SAMD5: variants seen among roughly 807,000 people sequenced by gnomAD.
SAMD5 encodes the protein sterile alpha motif domain-containing protein 5.
Under a neutral mutation model 11.3 loss-of-function variants are expected in SAMD5, and 13 were observed. The ratio of observed to expected loss-of-function variants is 1.15; its 90% CI spans 0.75 to 1.83. The LOEUF (loss-of-function observed/expected upper bound fraction) is 1.83, where lower values mean the gene tolerates loss of function less well. Ranked by LOEUF, SAMD5 falls within the 40% of genes most tolerant of loss-of-function variation. The pLI is 0.00. For missense variants in SAMD5, 255 were observed against 239.1 expected (o/e 1.07, Z -0.44); for synonymous variants, 129 against 111.3 (o/e 1.16, Z -1.00).
the SAMD5 span, among the ~76,000 whole-genome samples, chr6:147,932,196 G>A: frequency 6.6e-6 from 1 of 152,120 alleles, no homozygotes; most frequent in Non-Finnish European, 1.5e-5. Context: ...ACAAACTGAA[G>A]TACAAAGGCA....
intron 1 of SAMD5, among the ~76,000 whole-genome samples, chr6:147,733,313 T>C (rs1791744463): frequency 6.6e-6 from 1 of 152,222 alleles, no homozygotes; most frequent in Admixed American, 6.5e-5. Context: ...GGATTTTACT[T>C]GGGTAGTGTA....
chr6:147,585,974 G>A (rs1309598523), intron 1 of SAMD5, among the ~76,000 whole-genome samples: 1 of 152,156 alleles, frequency 6.6e-6, no homozygotes, highest in Non-Finnish European at 1.5e-5. Flanking sequence ...GCAGTTCAGA[G>A]CAACATGGTC....
chr6:147,574,353 A>G (rs951069348), downstream of SAMD5, among the ~76,000 whole-genome samples: 5 of 152,186 alleles, frequency 3.3e-5, no homozygotes, highest in African/African-American at 1.2e-4. Context: ...ACAGCCAGTA[A>G]CCAAGAAAGT....
the SAMD5 span, among the ~76,000 whole-genome samples, chr6:147,749,916 G>A: frequency 0.017 from 2,560 of 152,122 alleles, 28 homozygotes; most frequent in Middle Eastern, 0.041. Context: ...AATAAAACCC[G>A]CTTATTTTCA....
chr6:147,525,933 A>G (rs115850469), intron 1 of SAMD5, among the ~76,000 whole-genome samples: 1,878 of 152,298 alleles, frequency 0.012, 45 homozygotes, highest in African/African-American at 0.042. Context: ...CTAATCTTCA[A>G]TTTCAACAAG....
the SAMD5 span, among the ~76,000 whole-genome samples, chr6:147,891,513 A>G: frequency 6.6e-6 from 1 of 152,102 alleles, no homozygotes; most frequent in Non-Finnish European, 1.5e-5. Context: ...CTCATTATTC[A>G]TTGGTAAAAT....
the SAMD5 span, among the ~76,000 whole-genome samples, chr6:147,789,315 A>ACACG: frequency 1.3e-5 from 2 of 148,474 alleles, no homozygotes; most frequent in African/African-American, 5.1e-5. Context: ...ACACACACAC[A>ACACG]CACAGTCAAA....
chr6:147,556,130 T>C (rs552175918), intron 1 of SAMD5, among the ~76,000 whole-genome samples: 1 of 152,244 alleles, frequency 6.6e-6, no homozygotes, highest in South Asian at 2.1e-4. Context: ...TCTTGCTCTG[T>C]CGCCCAGGCT....
chr6:147,646,227 C>G (rs1303212501), intron 1 of SAMD5, among the ~76,000 whole-genome samples: 1 of 152,118 alleles, frequency 6.6e-6, no homozygotes, highest in Non-Finnish European at 1.5e-5. Flanking sequence ...TTACTGATAA[C>G]ATGAGTAGTC....
At chr6:147,726,943 G>T (rs12200348) in intron 1 of SAMD5, among the ~76,000 whole-genome samples, 78,128 of 151,946 alleles carry the variant, frequency 0.51, 20,883 homozygotes, top group Middle Eastern at 0.63. Context: ...TAGCCTCTCA[G>T]TTGGCCTCCA....
the SAMD5 span, among the ~76,000 whole-genome samples, chr6:147,890,687 A>G: frequency 2.0e-5 from 3 of 152,138 alleles, no homozygotes. Context: ...AAAAAGATCA[A>G]TAAATTTCAT....
chr6:147,762,821 T>G, the SAMD5 span, among the ~76,000 whole-genome samples: 2 of 152,286 alleles, frequency 1.3e-5, no homozygotes, highest in South Asian at 2.1e-4. Context: ...ATAGTGAAGT[T>G]TTAGGTGATG....
At chr6:147,859,047 G>A in the SAMD5 span, among the ~76,000 whole-genome samples, 6 of 152,144 alleles carry the variant, frequency 3.9e-5, no homozygotes, top group Admixed American at 2.6e-4. Flanking sequence ...TTTTCACTAG[G>A]GGCCAGGGAG....
At chr6:147,819,876 T>C in the SAMD5 span, among the ~76,000 whole-genome samples, 10 of 152,146 alleles carry the variant, frequency 6.6e-5, no homozygotes, top group African/African-American at 2.4e-4. Context: ...AGGCAGGGTG[T>C]CAGCAGATAT....
At chr6:147,530,502 A>G (rs1788413558) in intron 1 of SAMD5, among the ~76,000 whole-genome samples, 1 of 152,256 alleles carries the variant, frequency 6.6e-6, no homozygotes, top group African/African-American at 2.4e-5. Context: ...CTCTGGGGCC[A>G]ACCAGCTCCT....
chr6:147,777,205 A>C, the SAMD5 span, among the ~76,000 whole-genome samples: 1 of 151,958 alleles, frequency 6.6e-6, no homozygotes, highest in African/African-American at 2.4e-5. Flanking sequence ...ACTCTGCAGC[A>C]ATTAGTTATA....
chr6:147,886,038 CTA>C, the SAMD5 span, among the ~76,000 whole-genome samples: 2 of 152,122 alleles, frequency 1.3e-5, no homozygotes, highest in Non-Finnish European at 2.9e-5. Flanking sequence ...AAGCTATAGT[CTA>C]AGCTTATTTC....
Position 147,711,234 on chromosome 6 carries a change from T to G in SAMD5, c.163-26083T>G, listed in dbSNP as rs1349704597. On this transcript the variant is annotated intron_variant, in intron 1 of 1. Transcript: ENST00000566741. This position sits in a 1 kb window ranked among gnomAD's most constrained non-coding sequence, Gnocchi z 4.1. ...AGGAATTATTATCTCTAATTACAGATGAGGAAAGTGGGCCTCGGAGAGTTC... is the reference window on the plus strand; with the variant it reads ...AGGAATTATTATCTCTAATTACAGAGGAGGAAAGTGGGCCTCGGAGAGTTC... 1.3e-5 allele frequency among the ~76,000 whole-genome samples: 2 copies of G among 152,176 alleles called. No individual in the cohort carries two copies. Among genetic ancestry groups the G allele is most frequent in the African/African-American group, 2.4e-5 (1 of 41,434 alleles).
chr6:147,907,032 A>G, the SAMD5 span, among the ~76,000 whole-genome samples: 1 of 152,186 alleles, frequency 6.6e-6, no homozygotes, highest in Non-Finnish European at 1.5e-5. Flanking sequence ...AAGTCTGATT[A>G]ATCTTCCTTT....
Sources: allele counts gnomAD v4.1 joint callset (sites outside exome capture counted in the v4.1 genomes callset), GRCh38; gene constraint gnomAD v4.1.1; non-coding constraint Gnocchi (gnomAD v3.1); transcripts MANE v1.5; gene names NCBI Gene and HGNC (gene_info 2026-07-23, HGNC 2026-07-21).